COMMD1: variants seen among roughly 807,000 people sequenced by gnomAD.
The protein encoded by COMMD1 is COMM domain-containing protein 1.
COMMD1 carries 10 observed loss-of-function variants against 17.2 expected under a neutral mutation model. The ratio of observed to expected loss-of-function variants is 0.58; its 90% confidence interval spans 0.36 to 0.99. The LOEUF is 0.99. COMMD1 is among the 50% of genes least tolerant of loss of function. The pLI is 0.01. For missense variants in COMMD1, 270 were observed against 231.8 expected (o/e 1.17, Z -1.07); for synonymous variants, 97 against 91.6 (o/e 1.06, Z -0.34).
intron 2 of COMMD1, among the ~76,000 whole-genome samples, chr2:62,094,183 G>T (rs1671931291): frequency 2.0e-5 from 3 of 152,154 alleles, no homozygotes; most frequent in Admixed American, 2.0e-4. Context: ...GGGGAGCCGG[G>T]TAGCAGGGTC....
chr2:61,975,118 CTTTTT>C, intron 1 of COMMD1, among the ~76,000 whole-genome samples: 10 of 80,156 alleles, frequency 1.2e-4, no homozygotes, highest in African/African-American at 3.2e-4. Context: ...TCATTTCTTT[CTTTTT>C]TTTTTTTTTT....
intron 2 of COMMD1, among the ~76,000 whole-genome samples, chr2:62,110,142 A>G (rs1469108604): frequency 1.3e-5 from 2 of 151,850 alleles, no homozygotes; most frequent in Non-Finnish European, 2.9e-5. Flanking sequence ...TGGCACAATC[A>G]CAGCTCACTG....
chr2:62,134,993 A>C (rs548184984), intron 2 of COMMD1, among the ~76,000 whole-genome samples: 1 of 152,224 alleles, frequency 6.6e-6, no homozygotes, highest in Non-Finnish European at 1.5e-5. Context: ...CATAACCACT[A>C]AATCCAAGTT....
intron 2 of COMMD1, chr2:62,100,189 A>C (rs1672137794): frequency 6.6e-6 from 1 of 152,032 alleles, no homozygotes; most frequent in South Asian, 2.1e-4. Flanking sequence ...AGGACTTACC[A>C]GTTTCACCAG....
At chr2:61,920,412 C>CTT (rs889470083) in intron 1 of COMMD1, among the ~76,000 whole-genome samples, 2 of 144,042 alleles carry the variant, frequency 1.4e-5, no homozygotes, top group African/African-American at 5.1e-5. Context: ...AAAGAACATA[C>CTT]TTTTTTTTTT....
intron 1 of COMMD1, among the ~76,000 whole-genome samples, chr2:61,991,984 C>A (rs182972366): frequency 5.7e-4 from 87 of 152,054 alleles, no homozygotes; most frequent in Middle Eastern, 3.4e-3. Context: ...AACATAATTT[C>A]TAATATGATG....
chr2:62,108,927 G>T (rs1256886782), intron 2 of COMMD1, among the ~76,000 whole-genome samples: 1 of 152,132 alleles, frequency 6.6e-6, no homozygotes, highest in Admixed American at 6.5e-5. Context: ...TAAATAACAG[G>T]CTAGAGCTGA....
At chr2:62,044,559 C>T (rs1188550525) in intron 2 of COMMD1, among the ~76,000 whole-genome samples, 1 of 152,120 alleles carries the variant, frequency 6.6e-6, no homozygotes, top group African/African-American at 2.4e-5. Flanking sequence ...TAGTGCCTTT[C>T]CTCCAAAAAA....
intron 1 of COMMD1, among the ~76,000 whole-genome samples, chr2:61,960,023 C>G (rs1429558316): frequency 6.6e-6 from 1 of 152,064 alleles, no homozygotes; most frequent in Non-Finnish European, 1.5e-5. Flanking sequence ...GAAGCTTCTC[C>G]AAATAAGGAA....
At chr2:62,131,861 TAC>T (rs373676350) in intron 2 of COMMD1, among the ~76,000 whole-genome samples, 14 of 143,760 alleles carry the variant, frequency 9.7e-5, no homozygotes, top group South Asian at 2.2e-4. Context: ...CATTTCTAAA[TAC>T]ACACACACAC....
chr2:62,096,363 G>C (rs774143324), intron 2 of COMMD1, among the ~76,000 whole-genome samples: 4 of 152,186 alleles, frequency 2.6e-5, no homozygotes, highest in Non-Finnish European at 5.9e-5. Flanking sequence ...ATTTTAGAAT[G>C]AACAGCTTTC....
At chr2:62,029,965 A>G (rs1014972579) in intron 2 of COMMD1, among the ~76,000 whole-genome samples, 3 of 152,290 alleles carry the variant, frequency 2.0e-5, no homozygotes, top group Admixed American at 1.3e-4. Context: ...CAAAGATCCA[A>G]AGATATAGGG....
chr2:61,903,263 G>C (rs1023754132), upstream of COMMD1, among the ~76,000 whole-genome samples: 5 of 151,984 alleles, frequency 3.3e-5, no homozygotes, highest in African/African-American at 1.2e-4. Context: ...GGCCAACATG[G>C]TGAAACCCCT....
intron 1 of COMMD1, among the ~76,000 whole-genome samples, chr2:61,961,478 C>A (rs1219726681): frequency 6.6e-6 from 1 of 152,142 alleles, no homozygotes; most frequent in Non-Finnish European, 1.5e-5. Context: ...CGTGCCAGAG[C>A]AAGCTAGGAC....
chr2:61,991,897 T>A (rs1321552818), intron 1 of COMMD1, among the ~76,000 whole-genome samples: 2 of 152,186 alleles, frequency 1.3e-5, no homozygotes, highest in African/African-American at 4.8e-5. Context: ...GTGTTTCTTT[T>A]TTTGTAGTAA....
At chr2:62,062,789 G>A (rs551364069) in intron 2 of COMMD1, among the ~76,000 whole-genome samples, 9 of 152,180 alleles carry the variant, frequency 5.9e-5, no homozygotes, top group African/African-American at 2.2e-4. Context: ...CAGATGTTAG[G>A]CCAGACACAG....
intron 1 of COMMD1, among the ~76,000 whole-genome samples, chr2:61,889,181 GCGTCAGCCA>G (rs1363793132): frequency 1.4e-5 from 2 of 145,128 alleles, no homozygotes; most frequent in Non-Finnish European, 3.0e-5. Context: ...GGGATTACAG[GCGTCAGCCA>G]CGAAGCCCGG....
intron 1 of COMMD1, among the ~76,000 whole-genome samples, chr2:61,977,378 G>C (rs1481660803): frequency 6.6e-6 from 1 of 150,888 alleles, no homozygotes; most frequent in Non-Finnish European, 1.5e-5. Context: ...CTGAGTAGCT[G>C]GGATTACAGG....
At chr2:61,923,410 A>C (rs1241105847) in intron 1 of COMMD1, among the ~76,000 whole-genome samples, 1 of 152,168 alleles carries the variant, frequency 6.6e-6, no homozygotes, top group African/African-American at 2.4e-5. Flanking sequence ...GTATTTCTCA[A>C]CATCTAGCTA....
Sources: gnomAD v4.1 joint callset for allele counts (sites outside exome capture counted in the v4.1 genomes callset) on GRCh38, gnomAD v4.1.1 for gene constraint, MANE v1.5 for transcripts, NCBI Gene and HGNC (gene_info 2026-07-23, HGNC 2026-07-21) for gene names.